Variants in SIK2 observed in about 807,000 individuals in gnomAD.
SIK2 encodes serine/threonine-protein kinase SIK2.
A neutral mutation model predicts 103.2 loss-of-function variants in SIK2; 29 were observed. That is an observed-to-expected ratio of 0.28 (90% CI 0.21 to 0.38). The LOEUF (loss-of-function observed/expected upper bound fraction) is 0.38. Among genes scored for constraint, SIK2 ranks in the 10% least tolerant of loss-of-function variants. SIK2 has a pLI of 1.00. For synonymous variants in SIK2, 412 were observed against 446.1 expected (o/e 0.92, Z 0.96); for missense variants, 879 against 1,171.0 (o/e 0.75, Z 3.64).
intron 3 of SIK2, among the ~76,000 whole-genome samples, chr11:111,645,961 G>A (rs1942250654): frequency 6.6e-6 from 1 of 152,194 alleles, no homozygotes; most frequent in African/African-American, 2.4e-5. Context: ...TGGTGGTTAT[G>A]TAGGTATTTA....
rs894761977 is a variant in SIK2 at position 111,727,143 on chromosome 11, C to T, written c.*3014C>T. 9.0e-7 allele frequency: 1 copy of T among 1,107,874 alleles called. No individual in the cohort carries two copies. The highest frequency in any genetic ancestry group is 1.3e-5 in the South Asian group (1 of 77,464). The allele number at this position is 1,107,874 out of a possible 1,614,324, so 68.6% of individuals were successfully genotyped here. A position where few individuals can be genotyped will look rare whatever the true frequency, so the allele number is the denominator to read the frequency against. ...TGACACTGACCGTCCCCAGCTGCCC[C>T]CTCGCCACCTCTGCCTGCACTGCCT... On this transcript the variant is annotated 3_prime_UTR_variant, in exon 15 of 15. Coordinates refer to ENST00000304987, the MANE Select transcript of SIK2 (RefSeq NM_015191.3).
chr11:111,671,394 G>T, intron 3 of SIK2: 2 of 249,250 alleles, frequency 8.0e-6, no homozygotes, highest in East Asian at 1.2e-4. Context: ...ATACTGCTCA[G>T]CATCTGATGG....
At chr11:111,706,514 T>C (rs1345300974) in intron 8 of SIK2, among the ~76,000 whole-genome samples, 1 of 152,268 alleles carries the variant, frequency 6.6e-6, no homozygotes, top group African/African-American at 2.4e-5. Flanking sequence ...AGGAGAGTTT[T>C]GACTTTGTAT....
chr11:111,719,389 G>A (rs1323551449), intron 9 of SIK2, among the ~76,000 whole-genome samples: 1 of 107,284 alleles, frequency 9.3e-6, no homozygotes, highest in African/African-American at 3.6e-5. Flanking sequence ...AATGAGCCAA[G>A]TAGTTAAAAA....
At chr11:111,714,851 G>A (rs1943595362) in intron 9 of SIK2, among the ~76,000 whole-genome samples, 1 of 152,106 alleles carries the variant, frequency 6.6e-6, no homozygotes, top group Non-Finnish European at 1.5e-5. Flanking sequence ...CTCTGTCTGT[G>A]GTTGCTACTA....
At chr11:111,682,501 G>T (rs1174034933) in intron 3 of SIK2, among the ~76,000 whole-genome samples, 1 of 152,136 alleles carries the variant, frequency 6.6e-6, no homozygotes, top group African/African-American at 2.4e-5. Flanking sequence ...ATAAGGAATT[G>T]TTAATTATGT....
At chr11:111,699,742 T>C (rs569514396) in intron 4 of SIK2, among the ~76,000 whole-genome samples, 10 of 152,352 alleles carry the variant, frequency 6.6e-5, no homozygotes, top group African/African-American at 2.4e-4. Context: ...TGGAGTGAGC[T>C]TATTTTAACA....
Position 111,701,039 on chromosome 11 carries a change from A to G in SIK2, c.603+29A>G. On this transcript the variant is annotated intron_variant, in intron 5 of 14. Coordinates refer to ENST00000304987, the MANE Select transcript of SIK2 (RefSeq NM_015191.3). The surrounding 1 kb of genome is among the most constrained non-coding windows in gnomAD (Gnocchi z 4.2). ...CTGCTTTGCTTTGCTGTGTTGTTAA[A>G]TGCATCTATACTGATAATACTTGGT... is the stretch of plus-strand genomic sequence containing the variant. 6.2e-7 allele frequency: 1 copy of G among 1,611,016 alleles called. No individual in the cohort carries two copies. Among genetic ancestry groups the G allele is most frequent in the Non-Finnish European group, 8.5e-7 (1 of 1,177,726 alleles).
rs370985140 is a variant in SIK2, at chr11:111,616,218, T to C, written c.136-25T>C. On this transcript the variant is annotated intron_variant, in intron 1 of 14. Coordinates refer to ENST00000304987, the MANE Select transcript of SIK2 (RefSeq NM_015191.3). ...AATGTTAACTATTGTATACTAATTGTATTTATTTGTGTTCTGGGATGCAGG... is the reference window on the plus strand; with the variant it reads ...AATGTTAACTATTGTATACTAATTGCATTTATTTGTGTTCTGGGATGCAGG... The C allele has an allele frequency of 4.8e-6, 7 of 1,444,574 alleles. No homozygotes were observed. The African/African-American group carries it at 9.8e-5, about 20-fold the overall frequency. 89.5% of individuals were successfully genotyped at this position (1,444,574 alleles called of 1,614,324 possible).
At chr11:111,607,270 T>C (rs1941661138) in intron 1 of SIK2, among the ~76,000 whole-genome samples, 1 of 152,224 alleles carries the variant, frequency 6.6e-6, no homozygotes, top group Non-Finnish European at 1.5e-5. Flanking sequence ...TGTATTTGTT[T>C]GCTAAAAAGC....
intron 3 of SIK2, among the ~76,000 whole-genome samples, chr11:111,647,363 A>G (rs532647428): frequency 2.6e-5 from 4 of 152,182 alleles, no homozygotes; most frequent in Non-Finnish European, 5.9e-5. Context: ...TTAAATCATC[A>G]ATCAGATTTT....
At chr11:111,672,437 A>G (rs995915214) in intron 3 of SIK2, 2 of 311,250 alleles carry the variant, frequency 6.4e-6, no homozygotes, top group Non-Finnish European at 1.2e-5. Flanking sequence ...CCAGACAGAG[A>G]TTTGAGGAGG....
intron 3 of SIK2, among the ~76,000 whole-genome samples, chr11:111,680,272 G>A (rs931573451): frequency 6.6e-6 from 1 of 152,098 alleles, no homozygotes; most frequent in African/African-American, 2.4e-5. Context: ...AAATTAGCCA[G>A]TTTTGATTAC....
At chr11:111,634,942 T>A (rs1170092168) in intron 3 of SIK2, among the ~76,000 whole-genome samples, 1 of 152,248 alleles carries the variant, frequency 6.6e-6, no homozygotes, top group Non-Finnish European at 1.5e-5. Flanking sequence ...AAATGTTGAA[T>A]GCATGCAGAT....
chr11:111,613,156 T>A (rs1453169503), intron 1 of SIK2, among the ~76,000 whole-genome samples: 2 of 152,060 alleles, frequency 1.3e-5, no homozygotes, highest in Non-Finnish European at 2.9e-5. Context: ...CAAAAGGGTA[T>A]AAAAAAGGAG....
In SIK2 at chr11:111,730,161, C is replaced by G. The variant is rs781766195; in HGVS notation, c.*6032C>G. On this transcript the variant is annotated 3_prime_UTR_variant, in exon 15 of 15. Coordinates refer to ENST00000304987, the MANE Select transcript of SIK2 (RefSeq NM_015191.3). ...ACTTAATACTCTGTCTTTTCAGAGG[C>G]AAAGTGGGTGGGTAGAGGGGAGCTT... is the stretch of plus-strand genomic sequence containing the variant. 1 of 152,196 alleles carries G rather than the reference C, an allele frequency of 6.6e-6. No homozygotes were observed. The highest frequency in any genetic ancestry group is 2.4e-5 in the African/African-American group (1 of 41,454). The allele number at this position is 152,196 out of a possible 1,614,324, so 9.4% of individuals were successfully genotyped here.
At chr11:111,714,760 T>C (rs915825341) in intron 9 of SIK2, among the ~76,000 whole-genome samples, 1 of 152,154 alleles carries the variant, frequency 6.6e-6, no homozygotes, top group Non-Finnish European at 1.5e-5. Flanking sequence ...AGTGCGAGGC[T>C]GCCACAAGCC....
rs1565399301 is a variant in SIK2, at chr11:111,723,758, T to TCCA, written c.2412_2414dup (p.Thr805dup). On this transcript the variant is annotated inframe_insertion, in exon 15 of 15. Transcript: ENST00000304987. Reference sequence around the variant, plus strand: ...AGAGATGCAGCTTCAGCCCCTGCCCTCCACTTCCGGTCCCCGGGCTGCTCC... The same window carrying TCCA: ...AGAGATGCAGCTTCAGCCCCTGCCCTCCACCACTTCCGGTCCCCGGGCTGCTCC... 4.3e-6 allele frequency: 7 copies of TCCA among 1,613,844 alleles called. No individual in the cohort carries two copies. The South Asian group carries it at 7.7e-5, about 18-fold the overall frequency.
chr11:111,610,249 G>T (rs908282638), intron 1 of SIK2, among the ~76,000 whole-genome samples: 4 of 152,024 alleles, frequency 2.6e-5, no homozygotes, highest in South Asian at 2.1e-4. Context: ...CAGCACTTTG[G>T]GGGGCCGAGG....
Sources: allele counts gnomAD v4.1 joint callset (sites outside exome capture counted in the v4.1 genomes callset), GRCh38; gene constraint gnomAD v4.1.1; non-coding constraint Gnocchi (gnomAD v3.1); transcripts MANE v1.5; gene names NCBI Gene and HGNC (gene_info 2026-07-23, HGNC 2026-07-21).